CALCOCO1: variants seen among roughly 807,000 people sequenced by gnomAD.
CALCOCO1 encodes the protein calcium binding and coiled-coil domain 1, also known as calcium-binding and coiled-coil domain-containing protein 1.
CALCOCO1 carries 44 observed loss-of-function variants against 86.3 expected under a neutral mutation model. That is an observed-to-expected ratio of 0.51 (90% confidence interval 0.40 to 0.66). CALCOCO1 has a LOEUF of 0.66. Among genes scored for constraint, CALCOCO1 ranks in the 30% least tolerant of loss-of-function variants. CALCOCO1 has a pLI of 0.00. For synonymous variants in CALCOCO1, 297 were observed against 327.6 expected, an observed-to-expected ratio of 0.91 and a Z score of 1.01; for missense variants, 708 against 851.1, an observed-to-expected ratio of 0.83 and a Z score of 2.09.
At chr12:53,724,271 A>C (rs1482125670) in intron 3 of CALCOCO1, 1 of 379,012 alleles carries the variant, frequency 2.6e-6, no homozygotes, top group East Asian at 7.4e-5. Context: ...TAACCGACAC[A>C]GGGAGGTTAT....
At position 53,716,388 on chromosome 12, in the gene CALCOCO1, T is replaced by C. The variant is rs780420469; in HGVS notation, c.877A>G (p.Asn293Asp). The C allele has an allele frequency of 6.2e-7, 1 of 1,614,156 alleles. No individual in the cohort carries two copies. The change falls in exon 8 of 15, where the codon AAC (asparagine) becomes GAC (aspartate). Residue 293 changes from asparagine (N) to aspartate (D), a missense_variant. Transcript: ENST00000550804. ...EAELQVAQQE[N>D]HHLNLDLKEA... Reference sequence around the variant, plus strand: ...TTCAGGTCCAAATTTAAGTGATGGTTCTCCTGTTGTGCCACTTGGAGCTCA... The same window carrying C: ...TTCAGGTCCAAATTTAAGTGATGGTCCTCCTGTTGTGCCACTTGGAGCTCA...
In CALCOCO1 at chr12:53,723,852, G is replaced by A. The variant is rs1045967117; in HGVS notation, c.260-69C>T. 56 of 1,373,486 alleles carry A rather than the reference G, an allele frequency of 4.1e-5. No homozygotes were observed. The African/African-American group carries it at 7.6e-4, about 19-fold the overall frequency. The allele number at this position is 1,373,486 out of a possible 1,614,324, so 85.1% of individuals were successfully genotyped here. A position where few individuals can be genotyped will look rare whatever the true frequency, so the allele number is the denominator to read the frequency against. On this transcript the variant is annotated intron_variant, in intron 3 of 14. Transcript: ENST00000550804. Reference sequence around the variant, plus strand: ...CCTTGGCCCCAGCCCCTTGCTCGGTGTTCCATATACTGTTTCTTCTCTTCT... The same window carrying A: ...CCTTGGCCCCAGCCCCTTGCTCGGTATTCCATATACTGTTTCTTCTCTTCT...
chr12:53,712,346 G>A (rs1945585974), intron 14 of CALCOCO1: 6 of 493,724 alleles, frequency 1.2e-5, no homozygotes, highest in African/African-American at 4.0e-5. Flanking sequence ...TCTCTGCAGT[G>A]CAGAGCCCAT....
chr12:53,716,650 A>G (rs1170706608), intron 7 of CALCOCO1, among the ~76,000 whole-genome samples: 1 of 152,172 alleles, frequency 6.6e-6, no homozygotes, highest in African/African-American at 2.4e-5. Context: ...TCTTCTGTGT[A>G]GGCATTCCAT....
chr12:53,713,038 A>G (rs1945613348), intron 14 of CALCOCO1, 62 bp downstream of exon 14: 1 of 1,470,930 alleles, frequency 6.8e-7, no homozygotes, highest in African/African-American at 1.4e-5. Flanking sequence ...GACTGTCCAC[A>G]CAGATGCCCT....
At position 53,723,787 on chromosome 12, in the gene CALCOCO1, T is replaced by C. The variant is rs370789331; in HGVS notation, c.260-4A>G. On this transcript the variant is annotated splice_region_variant and splice_polypyrimidine_tract_variant and intron_variant, in intron 3 of 14. Coordinates refer to ENST00000550804, the MANE Select transcript of CALCOCO1 (RefSeq NM_020898.3). ...CCTGGTTTGGGCAGGTAGCTGGCTG[T>C]GGGAAGAAGAATGGACCCAGGACCC... is the stretch of plus-strand genomic sequence containing the variant. The C allele has an allele frequency of 1.9e-5, 30 of 1,611,380 alleles. No homozygotes were observed. The African/African-American group carries it at 3.7e-4, about 20-fold the overall frequency.
chr12:53,723,560 T>G (rs757309181), intron 4 of CALCOCO1, 33 bp downstream of exon 4: 36 of 1,609,684 alleles, frequency 2.2e-5, no homozygotes, highest in Non-Finnish European at 2.8e-5. Flanking sequence ...CCCACTCCCT[T>G]GTCTGGGAAT....
At chr12:53,719,673 G>C (rs560764469) in intron 7 of CALCOCO1, 66 bp downstream of exon 7, 1 of 1,083,816 alleles carries the variant, frequency 9.2e-7, no homozygotes. Context: ...TTGGTGTCTG[G>C]CTCTCGAGAG....
chr12:53,722,795 T>C, intron 4 of CALCOCO1: 1 of 370,734 alleles, frequency 2.7e-6, no homozygotes, highest in Admixed American at 3.8e-5. Flanking sequence ...CTCTGTGTCC[T>C]CATCTGTAAC....
Position 53,721,483 on chromosome 12 carries a change from C to T in CALCOCO1, c.742G>A (p.Glu248Lys). 1 of 1,610,882 alleles carries T rather than the reference C, an allele frequency of 6.2e-7. No homozygotes were observed. Among genetic ancestry groups the T allele is most frequent in the East Asian group, 2.2e-5 (1 of 44,776 alleles). Residue 248 changes from glutamate to lysine, a missense_variant, in exon 6 of 15, where the codon GAA becomes AAA. By Grantham distance (56) the Glu-to-Lys change is moderately conservative. Transcript: ENST00000550804. Reference protein sequence around the residue: ...QTISEKVLTKEVELDRLRDTV... With the variant: ...QTISEKVLTKKVELDRLRDTV... ...TCCCCTCACCTGTCCAGCTCCACTTCCTTCGTCAGCACTTTCTCACTGATG... is the reference window on the plus strand; with the variant it reads ...TCCCCTCACCTGTCCAGCTCCACTTTCTTCGTCAGCACTTTCTCACTGATG...
In CALCOCO1 at chr12:53,713,636, C is replaced by A. The variant is rs1006059086; in HGVS notation, c.1791+65G>T. On this transcript the variant is annotated intron_variant, in intron 13 of 14. Transcript: ENST00000550804. Reference sequence around the variant, plus strand: ...AGCCAAGATCGTGCTGCACTCCAGGCTGGGACACTTGGGTTTGGCCCTGCC... The same window carrying A: ...AGCCAAGATCGTGCTGCACTCCAGGATGGGACACTTGGGTTTGGCCCTGCC... 5 of 1,406,946 alleles carry A rather than the reference C, an allele frequency of 3.6e-6. No individual in the cohort carries two copies. The African/African-American group carries it at 5.8e-5, about 16-fold the overall frequency. The allele number at this position is 1,406,946 out of a possible 1,614,324, so 87.2% of individuals were successfully genotyped here.
At position 53,716,059 on chromosome 12, in the gene CALCOCO1, G is replaced by C. The variant is rs749999982; in HGVS notation, c.1006-12C>G. On this transcript the variant is annotated splice_polypyrimidine_tract_variant and intron_variant, in intron 8 of 14. Coordinates refer to ENST00000550804, the MANE Select transcript of CALCOCO1 (RefSeq NM_020898.3). ...GGCTCCAGCTCGGCCTCAGGAGAAA[G>C]GAGGAGATGGAGATCAGAGTTCCTA... 7 of 1,609,988 alleles carry C rather than the reference G, an allele frequency of 4.3e-6. No individual in the cohort carries two copies. In the Middle Eastern group the frequency reaches 6.6e-4, roughly 151 times the overall value.
chr12:53,723,827 C>A, intron 3 of CALCOCO1, 44 bp from the exon 4 acceptor site: 2 of 1,570,098 alleles, frequency 1.3e-6, no homozygotes, highest in Non-Finnish European at 1.7e-6. Flanking sequence ...AATCCACTGT[C>A]CTTGGCCCCA....
At chr12:53,712,142 A>G in intron 14 of CALCOCO1, 21 bp from the exon 15 acceptor site, 1 of 1,578,850 alleles carries the variant, frequency 6.3e-7, no homozygotes. Flanking sequence ...CAGAGGGGAA[A>G]GGGAGAGGGT....
intron 1 of CALCOCO1, chr12:53,726,205 T>A (rs1946027505): frequency 1.3e-5 from 2 of 152,156 alleles, no homozygotes; most frequent in African/African-American, 2.4e-5. Flanking sequence ...CTAACATTCT[T>A]CTCTCCAGAC....
rs1383419455 is a variant in CALCOCO1, at chr12:53,709,449, T to A, written c.*2495A>T. ...CCCCAGTCTGAAACTGCAAATTGCA[T>A]GCCAGAAAGACACACAAAGGGCAGA... On this transcript the variant is annotated 3_prime_UTR_variant, in exon 15 of 15. Transcript: ENST00000550804. 6.6e-6 allele frequency: 1 copy of A among 152,128 alleles called. No homozygotes were observed. Among genetic ancestry groups the A allele is most frequent in the Non-Finnish European group, 1.5e-5 (1 of 68,112 alleles). The allele number at this position is 152,128 out of a possible 1,614,324, so 9.4% of individuals were successfully genotyped here. A position where few individuals can be genotyped will look rare whatever the true frequency, so the allele number is the denominator to read the frequency against.
chr12:53,726,972 T>TC (rs1946050862), intron 1 of CALCOCO1, among the ~76,000 whole-genome samples: 1 of 152,068 alleles, frequency 6.6e-6, no homozygotes, highest in Non-Finnish European at 1.5e-5. Flanking sequence ...GGGTGTCCCA[T>TC]CCCCTACTCT....
chr12:53,722,052 C>T lies in CALCOCO1; in HGVS notation c.582G>A (p.Glu194=). The T allele has an allele frequency of 1.9e-6, 3 of 1,613,670 alleles. No individual in the cohort carries two copies. The highest frequency in any genetic ancestry group is 2.5e-6 in the Non-Finnish European group (3 of 1,180,042). ...LERALATARQ[E]HTELMEQYKG... ...TGTACTGTTCCATCAGCTCCGTGTG[C>T]TCCTGCCTGGCAGTTGCCAGAGCCC... Residue 194 remains glutamate (E), a synonymous_variant, in exon 5 of 15, where the codon GAG becomes GAA. Transcript: ENST00000550804.
chr12:53,719,030 T>C (rs796109575), intron 7 of CALCOCO1, among the ~76,000 whole-genome samples: 2 of 151,554 alleles, frequency 1.3e-5, no homozygotes, highest in African/African-American at 4.8e-5. Flanking sequence ...GTATTTTTAG[T>C]AGAGATGGGG....
Sources: allele counts gnomAD v4.1 joint callset (sites outside exome capture counted in the v4.1 genomes callset), GRCh38; gene constraint gnomAD v4.1.1; transcripts MANE v1.5; gene names NCBI Gene and HGNC (gene_info 2026-07-23, HGNC 2026-07-21).